PAWR: variants seen among roughly 807,000 people sequenced by gnomAD.
PAWR encodes PRKC apoptosis WT1 regulator protein.
Under a neutral mutation model 32.0 loss-of-function variants are expected in PAWR, and 23 were observed. The observed-to-expected ratio is 0.72, with a 90% confidence interval of 0.52 to 1.02. The LOEUF is 1.02. Ranked by LOEUF, PAWR falls within the 50% of genes least tolerant of loss-of-function variation. PAWR has a pLI of 0.00. For synonymous variants in PAWR, 226 were observed against 187.1 expected, an observed-to-expected ratio of 1.21 and a Z score of -1.70; for missense variants, 457 against 437.7, an observed-to-expected ratio of 1.04 and a Z score of -0.39.
chr12:79,690,809 GGAGGCGGGGAC>G (rs1878985704), intron 1 of PAWR, 52 bp downstream of exon 1: 1 of 152,330 alleles, frequency 6.6e-6, no homozygotes, highest in African/African-American at 2.4e-5. Flanking sequence ...GGTTCGCAGA[GGAGGCGGGGAC>G]CCAGCTGTCC....
Position 79,590,588 on chromosome 12 carries a change from A to AT in PAWR, c.*2018dup, listed in dbSNP as rs1409157898. On this transcript the variant is annotated 3_prime_UTR_variant, in exon 7 of 7. Coordinates refer to ENST00000328827, the MANE Select transcript of PAWR (RefSeq NM_002583.4). ...TAGAAAATTCAAAGTAATTCTTTTA[A>AT]TAAAAACCCATATACTAATATATTT... 1 of 152,212 alleles carries AT rather than the reference A, an allele frequency of 6.6e-6. No individual in the cohort carries two copies. The highest frequency in any genetic ancestry group is 2.4e-5 in the African/African-American group (1 of 41,440). The allele number at this position is 152,212 out of a possible 1,614,324, so 9.4% of individuals were successfully genotyped here.
At chr12:79,611,193 T>G (rs999665939) in intron 4 of PAWR, among the ~76,000 whole-genome samples, 26 of 145,404 alleles carry the variant, frequency 1.8e-4, no homozygotes, top group South Asian at 6.3e-4. Flanking sequence ...ATAAATCTTA[T>G]AGATATTTAT....
rs1873442238 is a variant in PAWR, at chr12:79,588,196, T to A, written c.*4411A>T. ...TTAATCAACATCCACCAAGTGATCA[T>A]CACTAACATTCTATTATTACCAGAG... On this transcript the variant is annotated 3_prime_UTR_variant, in exon 7 of 7. Coordinates refer to ENST00000328827, the MANE Select transcript of PAWR (RefSeq NM_002583.4). 1 of 152,012 alleles carries A rather than the reference T, an allele frequency of 6.6e-6. No homozygotes were observed. The highest frequency in any genetic ancestry group is 6.5e-5 in the Admixed American group (1 of 15,272). 9.4% of individuals were successfully genotyped at this position (152,012 alleles called of 1,614,324 possible).
intron 2 of PAWR, among the ~76,000 whole-genome samples, chr12:79,623,410 T>C (rs1278035460): frequency 6.6e-6 from 1 of 152,114 alleles, no homozygotes; most frequent in Non-Finnish European, 1.5e-5. Context: ...TTGATAGAAC[T>C]AGGTAAGAAG....
chr12:79,673,564 AGTGACTCC>A (rs1436280129), intron 2 of PAWR, among the ~76,000 whole-genome samples: 2 of 152,142 alleles, frequency 1.3e-5, no homozygotes, highest in Admixed American at 1.3e-4. Flanking sequence ...TGTGCCCCTC[AGTGACTCC>A]GTTACCAGCC....
intron 6 of PAWR, among the ~76,000 whole-genome samples, chr12:79,593,382 T>C (rs148606600): frequency 2.4e-4 from 36 of 152,288 alleles, no homozygotes; most frequent in Non-Finnish European, 4.4e-4. Flanking sequence ...TAAAAGCATA[T>C]GATCCAGCTC....
chr12:79,616,488 T>C (rs894249634), intron 3 of PAWR, among the ~76,000 whole-genome samples: 3 of 152,266 alleles, frequency 2.0e-5, no homozygotes, highest in South Asian at 4.1e-4. Context: ...TTTTCTGTAA[T>C]ATGGTAAAAC....
intron 2 of PAWR, among the ~76,000 whole-genome samples, chr12:79,670,660 C>T (rs1005513303): frequency 1.3e-5 from 2 of 151,966 alleles, no homozygotes; most frequent in African/African-American, 4.8e-5. Flanking sequence ...TGTAACTGAA[C>T]CTTTCTTATA....
chr12:79,623,789 A>G (rs1301404351), intron 2 of PAWR, among the ~76,000 whole-genome samples: 1 of 152,188 alleles, frequency 6.6e-6, no homozygotes, highest in Non-Finnish European at 1.5e-5. Context: ...GAAAAAATAC[A>G]TAAGATATCA....
chr12:79,681,330 C>T (rs765859724), intron 2 of PAWR, among the ~76,000 whole-genome samples: 16 of 152,086 alleles, frequency 1.1e-4, no homozygotes, highest in Non-Finnish European at 1.9e-4. Context: ...CATGGTGGCT[C>T]ATGCCTGTAC....
chr12:79,641,049 C>T (rs1386662245), intron 2 of PAWR, among the ~76,000 whole-genome samples: 1 of 152,150 alleles, frequency 6.6e-6, no homozygotes, highest in Non-Finnish European at 1.5e-5. Context: ...TACCATACAA[C>T]ACACTCATCA....
At chr12:79,603,480 T>G (rs1030268464) in intron 4 of PAWR, among the ~76,000 whole-genome samples, 4 of 152,010 alleles carry the variant, frequency 2.6e-5, no homozygotes, top group Admixed American at 6.6e-5. Flanking sequence ...CATCCATGAC[T>G]TTTTAGGTAG....
At chr12:79,675,823 A>G (rs1333608237) in intron 2 of PAWR, among the ~76,000 whole-genome samples, 1 of 152,166 alleles carries the variant, frequency 6.6e-6, no homozygotes, top group East Asian at 1.9e-4. Context: ...AACCCCCACG[A>G]CATGAAATTT....
At chr12:79,665,188 G>T (rs1877545114) in intron 2 of PAWR, among the ~76,000 whole-genome samples, 1 of 152,104 alleles carries the variant, frequency 6.6e-6, no homozygotes. Flanking sequence ...ACAAAAATTA[G>T]TTCCATTTAC....
intron 2 of PAWR, among the ~76,000 whole-genome samples, chr12:79,679,072 C>T (rs1046536161): frequency 6.6e-6 from 1 of 152,088 alleles, no homozygotes; most frequent in Non-Finnish European, 1.5e-5. Flanking sequence ...CCATGGCCCC[C>T]TTTTCTGTGC....
In PAWR at chr12:79,664,769, G is replaced by A. The variant is rs373672142; in HGVS notation, c.516+24960C>T. Among the ~76,000 whole-genome samples, 23 of 151,788 alleles carry A rather than the reference G, an allele frequency of 1.5e-4. 1 individual carries two copies. Among genetic ancestry groups the A allele is most frequent in the Admixed American group, 3.9e-4 (6 of 15,242 alleles). ...CAGCCTCCCAAGTACTCGGGACTAC[G>A]GATATGCGTCATCATGTCTGGCTAT... is the stretch of plus-strand genomic sequence containing the variant. On this transcript the variant is annotated intron_variant, in intron 2 of 6. Coordinates refer to ENST00000328827, the MANE Select transcript of PAWR (RefSeq NM_002583.4).
intron 4 of PAWR, among the ~76,000 whole-genome samples, chr12:79,610,671 A>C (rs1434004201): frequency 6.6e-6 from 1 of 151,950 alleles, no homozygotes; most frequent in East Asian, 1.9e-4. Flanking sequence ...CATGCCTCTA[A>C]TCTCAGTACT....
chr12:79,657,563 G>A lies in PAWR; in HGVS notation c.516+32166C>T, dbSNP rs189882149. 3.1e-4 allele frequency among the ~76,000 whole-genome samples: 47 copies of A among 152,226 alleles called. No individual in the cohort carries two copies. In the East Asian group the frequency reaches 7.1e-3, roughly 23 times the overall value. On this transcript the variant is annotated intron_variant, in intron 2 of 6. Coordinates refer to ENST00000328827, the MANE Select transcript of PAWR (RefSeq NM_002583.4). ...TCCCAGCACTTTGGGAGGCTGAGGC[G>A]GGCGGATCACAAGGTCAGAAGACCG...
chr12:79,623,566 T>C (rs1875133589), intron 2 of PAWR, among the ~76,000 whole-genome samples: 1 of 152,114 alleles, frequency 6.6e-6, no homozygotes, highest in African/African-American at 2.4e-5. Context: ...CAATAGCCAG[T>C]TACAAAATTT....
Sources: allele counts gnomAD v4.1 joint callset (sites outside exome capture counted in the v4.1 genomes callset), GRCh38; gene constraint gnomAD v4.1.1; transcripts MANE v1.5; gene names NCBI Gene and HGNC (gene_info 2026-07-23, HGNC 2026-07-21).